Variants in ROR1 observed in about 807,000 individuals in gnomAD.
ROR1 encodes inactive tyrosine-protein kinase transmembrane receptor ROR1.
ROR1 carries 19 observed loss-of-function variants against 78.8 expected under a neutral mutation model. The ratio of observed to expected loss-of-function variants is 0.24; its 90% CI spans 0.17 to 0.35. ROR1 has a LOEUF of 0.35. Ranked by LOEUF, ROR1 falls within the 10% of genes least tolerant of loss-of-function variation. The pLI, the probability that ROR1 is intolerant of heterozygous loss-of-function variation, is 1.00. For missense variants in ROR1, 917 were observed against 1,177.8 expected, an observed-to-expected ratio of 0.78 and a Z score of 3.24; for synonymous variants, 386 against 433.6, an observed-to-expected ratio of 0.89 and a Z score of 1.36.
intron 1 of ROR1, among the ~76,000 whole-genome samples, chr1:63,840,444 T>C (rs1177132946): frequency 6.6e-6 from 1 of 151,922 alleles, no homozygotes; most frequent in African/African-American, 2.4e-5. Context: ...CACGCCTAGC[T>C]AATTTTTTTG....
chr1:63,800,963 G>GTT (rs36105141), intron 1 of ROR1, among the ~76,000 whole-genome samples: 1 of 145,660 alleles, frequency 6.9e-6, no homozygotes. Context: ...ATTTTGCTAG[G>GTT]TTTTTTTTTT....
At chr1:64,016,129 A>G (rs1258224940) in intron 2 of ROR1, among the ~76,000 whole-genome samples, 2 of 152,076 alleles carry the variant, frequency 1.3e-5, no homozygotes, top group Non-Finnish European at 2.9e-5. Flanking sequence ...CAGGTCAATG[A>G]CCTATTTAAG....
At chr1:64,140,044 T>C (rs1168588091) in intron 5 of ROR1, 65 bp from the exon 6 acceptor site, 2 of 1,452,808 alleles carry the variant, frequency 1.4e-6, no homozygotes, top group Admixed American at 1.8e-5. Flanking sequence ...TGATATCCGT[T>C]GACTAGATAA....
intron 1 of ROR1, among the ~76,000 whole-genome samples, chr1:63,819,752 G>A (rs1212442538): frequency 2.0e-5 from 3 of 152,146 alleles, no homozygotes; most frequent in Admixed American, 6.5e-5. Flanking sequence ...GTATAAATTA[G>A]CCTCTTTGGT....
At chr1:63,937,344 T>G (rs1645801930) in intron 1 of ROR1, among the ~76,000 whole-genome samples, 2 of 152,182 alleles carry the variant, frequency 1.3e-5, no homozygotes, top group Non-Finnish European at 2.9e-5. Flanking sequence ...TTCAGCAGGT[T>G]TGTGGACTTG....
chr1:64,178,310 A>G lies in ROR1; in HGVS notation c.2269A>G (p.Ser757Gly), dbSNP rs1161258603. 1.9e-6 allele frequency: 3 copies of G among 1,614,164 alleles called. No individual in the cohort carries two copies. In the Admixed American group the frequency reaches 5.0e-5, roughly 27 times the overall value. The change falls in exon 9 of 9, where the codon AGC (serine) becomes GGC (glycine). Residue 757 changes from serine to glycine, a missense_variant. Physicochemically the swap from Ser to Gly is moderately conservative, Grantham distance 56 (BLOSUM62 0). Coordinates refer to ENST00000371079, the MANE Select transcript of ROR1 (RefSeq NM_005012.4). The surrounding 1 kb of genome is among the most constrained non-coding windows in gnomAD (Gnocchi z 4.3). ...RSWEGLSSHT[S>G]STTPSGGNAT... ...CTGGGAGGGACTCTCAAGTCACACA[A>G]GCTCTACTACTCCTTCAGGGGGAAA... is the stretch of plus-strand genomic sequence containing the variant.
intron 1 of ROR1, among the ~76,000 whole-genome samples, chr1:63,984,375 C>G (rs987319648): frequency 3.3e-5 from 5 of 152,154 alleles, no homozygotes; most frequent in African/African-American, 1.2e-4. Context: ...CTCCTCTACC[C>G]CACAAGCCAG....
chr1:64,127,095 G>A (rs1165850566), intron 4 of ROR1, among the ~76,000 whole-genome samples: 1 of 152,150 alleles, frequency 6.6e-6, no homozygotes, highest in Non-Finnish European at 1.5e-5. Context: ...CAATTTTGAG[G>A]ATGAATAATC....
At chr1:64,086,143 A>G (rs74078050) in intron 4 of ROR1, among the ~76,000 whole-genome samples, 22,699 of 152,164 alleles carry the variant, frequency 0.15, 1,784 homozygotes, top group Middle Eastern at 0.2. Context: ...CATTTTTCAA[A>G]TGCCTGCTGT....
chr1:63,806,596 C>A (rs191913491), intron 1 of ROR1, among the ~76,000 whole-genome samples: 3 of 152,150 alleles, frequency 2.0e-5, no homozygotes, highest in African/African-American at 4.8e-5. Flanking sequence ...GGATTACAGG[C>A]GTGAGCCACC....
chr1:64,152,073 C>G (rs1649643173), intron 7 of ROR1, among the ~76,000 whole-genome samples: 1 of 152,116 alleles, frequency 6.6e-6, no homozygotes, highest in Non-Finnish European at 1.5e-5. Context: ...AAAAGTTCTG[C>G]CTTTGTAAGC....
At chr1:64,025,451 C>T (rs1380758288) in intron 2 of ROR1, among the ~76,000 whole-genome samples, 4 of 151,966 alleles carry the variant, frequency 2.6e-5, no homozygotes, top group Admixed American at 2.6e-4. Flanking sequence ...ATCCCATTAC[C>T]CAGAGGAAAA....
intron 2 of ROR1, among the ~76,000 whole-genome samples, chr1:64,016,179 T>C (rs1210496807): frequency 6.6e-6 from 1 of 152,124 alleles, no homozygotes; most frequent in Admixed American, 6.5e-5. Flanking sequence ...AAGGGAGGCA[T>C]CAATCCTTGT....
chr1:63,969,435 C>G (rs566913190), intron 1 of ROR1, among the ~76,000 whole-genome samples: 1 of 152,246 alleles, frequency 6.6e-6, no homozygotes, highest in African/African-American at 2.4e-5. Context: ...ATCTATAAGT[C>G]TAGGCTGGGG....
chr1:63,788,932 G>A (rs1644708203), intron 1 of ROR1: 1 of 815,900 alleles, frequency 1.2e-6, no homozygotes, highest in Admixed American at 1.8e-5. Flanking sequence ...TTAACCTTCA[G>A]GTACAGGCTG....
chr1:63,920,359 T>C (rs1485193910), intron 1 of ROR1, among the ~76,000 whole-genome samples: 1 of 152,178 alleles, frequency 6.6e-6, no homozygotes, highest in Admixed American at 6.5e-5. Flanking sequence ...AAGGAAAGAA[T>C]AGCAGGAAGG....
At chr1:63,783,412 T>C (rs1364498342) in intron 1 of ROR1, among the ~76,000 whole-genome samples, 1 of 152,136 alleles carries the variant, frequency 6.6e-6, no homozygotes, top group East Asian at 1.9e-4. Context: ...GTCTGCTTGA[T>C]GAAAAGAATA....
At chr1:63,878,751 T>C (rs1645304815) in intron 1 of ROR1, among the ~76,000 whole-genome samples, 1 of 152,094 alleles carries the variant, frequency 6.6e-6, no homozygotes, top group South Asian at 2.1e-4. Flanking sequence ...TCCAGGGCAT[T>C]CATTCTCTTT....
At position 64,027,473 on chromosome 1, in the gene ROR1, G is replaced by C. The variant is rs375405651; in HGVS notation, c.163+18097G>C. Among the ~76,000 whole-genome samples the C allele has an allele frequency of 8.3e-4, 126 of 152,220 alleles. 1 individual carries two copies. Among genetic ancestry groups the C allele is most frequent in the African/African-American group, 2.8e-3 (117 of 41,546 alleles). On this transcript the variant is annotated intron_variant, in intron 2 of 8. Coordinates refer to ENST00000371079, the MANE Select transcript of ROR1 (RefSeq NM_005012.4). The stretch of plus-strand genomic sequence containing the variant: ...AATGGCAATTAACTAAATCTCCTGT[G>C]AGTTTCTTGCGGTTTTTACCATTCA...
Sources: allele counts gnomAD v4.1 joint callset (sites outside exome capture counted in the v4.1 genomes callset), GRCh38; gene constraint gnomAD v4.1.1; non-coding constraint Gnocchi (gnomAD v3.1); transcripts MANE v1.5; gene names NCBI Gene and HGNC (gene_info 2026-07-23, HGNC 2026-07-21).